The following NEDD4L variants were observed in gnomAD, a reference collection of about 807,000 sequenced individuals.
NEDD4L encodes the protein E3 ubiquitin-protein ligase NEDD4-like.
In NEDD4L, 54 loss-of-function variants were observed where a neutral mutation model predicts 148.9. The observed-to-expected ratio is 0.36, with a 90% CI of 0.29 to 0.45. NEDD4L has a LOEUF of 0.45. NEDD4L is among the 20% of genes least tolerant of loss of function. NEDD4L has a pLI of 1.00. For missense variants in NEDD4L, 856 were observed against 1,233.8 expected, an observed-to-expected ratio of 0.69 and a Z score of 4.59; for synonymous variants, 433 against 440.7, an observed-to-expected ratio of 0.98 and a Z score of 0.22.
At chr18:58,284,442 C>A (rs1252405276) in intron 5 of NEDD4L, among the ~76,000 whole-genome samples, 2 of 152,184 alleles carry the variant, frequency 1.3e-5, no homozygotes, top group East Asian at 3.9e-4. Context: ...ACTATGCTAG[C>A]AAAATGAATA....
chr18:58,173,901 C>A (rs533238273), intron 2 of NEDD4L, among the ~76,000 whole-genome samples: 1 of 152,132 alleles, frequency 6.6e-6, no homozygotes, highest in South Asian at 2.1e-4. Context: ...TGCATTTAAT[C>A]GGTGGGTCTA....
At chr18:58,165,073 G>A (rs765930976) in intron 1 of NEDD4L, among the ~76,000 whole-genome samples, 6 of 152,182 alleles carry the variant, frequency 3.9e-5, no homozygotes, top group Non-Finnish European at 8.8e-5. Context: ...TCTCTAAGCT[G>A]TCATAGGGTC....
intron 18 of NEDD4L, 45 bp downstream of exon 18, chr18:58,351,090 G>T (rs999788279): frequency 9.6e-6 from 15 of 1,557,412 alleles, no homozygotes; most frequent in Non-Finnish European, 1.2e-5. Context: ...TGGGTTAGAG[G>T]GAAGGAGTAA....
intron 1 of NEDD4L, among the ~76,000 whole-genome samples, chr18:58,084,227 G>A (rs772032460): frequency 8.5e-5 from 13 of 152,164 alleles, no homozygotes; most frequent in Non-Finnish European, 1.5e-4. Context: ...ACGGAAAGTA[G>A]ATTAGTGGTG....
At chr18:58,286,024 G>A (rs1383180862) in intron 5 of NEDD4L, among the ~76,000 whole-genome samples, 1 of 152,148 alleles carries the variant, frequency 6.6e-6, no homozygotes, top group African/African-American at 2.4e-5. Flanking sequence ...TTATTTAGAT[G>A]CATTTCAGAA....
At chr18:58,371,166 AG>A (rs1180010143) in intron 23 of NEDD4L, among the ~76,000 whole-genome samples, 1 of 146,324 alleles carries the variant, frequency 6.8e-6, no homozygotes, top group African/African-American at 2.5e-5. Context: ...CCTCTCAGAT[AG>A]CTGGGATTAC....
At chr18:58,082,102 A>ATATTTTTTTTTTTTTTTTTTTTT in intron 1 of NEDD4L, among the ~76,000 whole-genome samples, 11 of 48,830 alleles carry the variant, frequency 2.3e-4, no homozygotes, top group Non-Finnish European at 3.1e-4. Context: ...ATATATATAT[A>ATATTTTTTTTTTTTTTTTTTTTT]TTTTTTTTTT....
intron 5 of NEDD4L, among the ~76,000 whole-genome samples, chr18:58,259,040 T>C (rs1353653432): frequency 2.6e-5 from 4 of 152,252 alleles, no homozygotes; most frequent in African/African-American, 9.6e-5. Context: ...GGTGGTGGAA[T>C]GATACGGAAA....
intron 5 of NEDD4L, among the ~76,000 whole-genome samples, chr18:58,290,739 A>C: frequency 6.6e-6 from 1 of 151,676 alleles, no homozygotes; most frequent in East Asian, 1.9e-4. Flanking sequence ...TTTTTTTTTA[A>C]TGAAAAGAAA....
At chr18:58,325,374 C>T (rs1195533653) in intron 9 of NEDD4L, among the ~76,000 whole-genome samples, 2 of 152,220 alleles carry the variant, frequency 1.3e-5, no homozygotes, top group African/African-American at 4.8e-5. Flanking sequence ...TCACATGCTG[C>T]TGTTTTCAAT....
At chr18:58,254,376 A>G (rs999012967) in intron 5 of NEDD4L, among the ~76,000 whole-genome samples, 5 of 152,140 alleles carry the variant, frequency 3.3e-5, no homozygotes, top group Non-Finnish European at 7.3e-5. Flanking sequence ...CTAACTACAA[A>G]TCTGATGACA....
At chr18:58,151,658 T>TGTGTGTGTGTGTGTGTGTGTGTGTG (rs60365242) in intron 1 of NEDD4L, among the ~76,000 whole-genome samples, 7 of 151,042 alleles carry the variant, frequency 4.6e-5, no homozygotes, top group Middle Eastern at 3.2e-3. Context: ...TGTGTGTGTG[T>TGTGTGTGTGTGTGTGTGTGTGTGTG]TGGCTGGAGA....
At position 58,367,840 on chromosome 18, in the gene NEDD4L, G is replaced by T. The variant is rs370592782; in HGVS notation, c.2158G>T (p.Ala720Ser). 3.1e-5 allele frequency: 50 copies of T among 1,613,812 alleles called. No homozygotes were observed. The highest frequency in any genetic ancestry group is 4.0e-5 in the African/African-American group (3 of 74,910). The change falls in exon 22 of 31, where the codon GCC becomes TCC. Residue 720 changes from alanine (A) to serine (S), a missense_variant. By Grantham distance (99) the Ala-to-Ser change is moderately conservative. Around this residue, in one of 4 missense-constraint regions of NEDD4L, gnomAD observed 286 missense variants for 531.8 expected, o/e 0.54. Coordinates refer to ENST00000400345, the MANE Select transcript of NEDD4L (RefSeq NM_001144967.3). ...TTTTATTGGAAGAGTTGCTGGTCTG[G>T]CCGTATTTCATGGGAAGCTCTTAGA... is the stretch of plus-strand genomic sequence containing the variant. Reference protein sequence around the residue: ...FTFIGRVAGLAVFHGKLLDGF... With the variant: ...FTFIGRVAGLSVFHGKLLDGF...
At chr18:58,375,847 C>G (rs2047494312) in intron 24 of NEDD4L, among the ~76,000 whole-genome samples, 1 of 152,108 alleles carries the variant, frequency 6.6e-6, no homozygotes, top group African/African-American at 2.4e-5. Flanking sequence ...TGTGAGAAAA[C>G]AAAATCAGTC....
chr18:58,059,961 T>A (rs2082255126), intron 1 of NEDD4L, among the ~76,000 whole-genome samples: 1 of 152,100 alleles, frequency 6.6e-6, no homozygotes, highest in African/African-American at 2.4e-5. Flanking sequence ...GTAGGTGCTG[T>A]CATTTTATAG....
chr18:58,250,635 G>A (rs761068193), intron 4 of NEDD4L, among the ~76,000 whole-genome samples: 23 of 152,112 alleles, frequency 1.5e-4, no homozygotes, highest in Non-Finnish European at 3.2e-4. Flanking sequence ...CTCTGTGCTT[G>A]TATGGTCAAG....
chr18:58,132,073 G>A (rs565563935), intron 1 of NEDD4L, among the ~76,000 whole-genome samples: 34 of 152,288 alleles, frequency 2.2e-4, no homozygotes, highest in Non-Finnish European at 3.4e-4. Context: ...GAATTAAGCT[G>A]AAGTAACTCA....
chr18:58,088,288 G>A (rs1599179967), intron 1 of NEDD4L, among the ~76,000 whole-genome samples: 1 of 152,190 alleles, frequency 6.6e-6, no homozygotes, highest in East Asian at 1.9e-4. Context: ...ATTGTGAGAG[G>A]TGACTACATG....
Position 58,401,290 on chromosome 18 carries a change from G to C in NEDD4L, c.*5021G>C, listed in dbSNP as rs1219240420. 2.0e-5 allele frequency: 3 copies of C among 152,098 alleles called. No individual in the cohort carries two copies. The highest frequency in any genetic ancestry group is 7.2e-5 in the African/African-American group (3 of 41,402). 9.4% of individuals were successfully genotyped at this position (152,098 alleles called of 1,614,324 possible). On this transcript the variant is annotated 3_prime_UTR_variant, in exon 31 of 31. Transcript: ENST00000400345. Reference sequence around the variant, plus strand: ...ACCAAACTACCTTGAATTTTTTTAAGGCAACTTATGAATAATGCTCATTTT... The same window carrying C: ...ACCAAACTACCTTGAATTTTTTTAACGCAACTTATGAATAATGCTCATTTT...
Sources: allele counts gnomAD v4.1 joint callset (sites outside exome capture counted in the v4.1 genomes callset), GRCh38; gene constraint gnomAD v4.1.1; regional missense constraint gnomAD v4.1.1; transcripts MANE v1.5; gene names NCBI Gene and HGNC (gene_info 2026-07-23, HGNC 2026-07-21).